DNER: variants seen among roughly 807,000 people sequenced by gnomAD.
DNER encodes the protein delta and Notch-like epidermal growth factor-related receptor.
DNER carries 33 observed loss-of-function variants against 78.2 expected under a neutral mutation model. The ratio of observed to expected loss-of-function variants is 0.42; its 90% CI spans 0.32 to 0.56. DNER has a LOEUF of 0.56. Ranked by LOEUF, DNER falls within the 20% of genes least tolerant of loss-of-function variation. The pLI is 0.11. For missense variants in DNER, 918 were observed against 975.3 expected (o/e 0.94, Z 0.78); for synonymous variants, 417 against 384.8 (o/e 1.08, Z -0.98).
chr2:229,666,126 C>G (rs182076670), intron 1 of DNER, among the ~76,000 whole-genome samples: 5 of 152,306 alleles, frequency 3.3e-5, no homozygotes, highest in African/African-American at 4.8e-5. Context: ...CTGTTTGCCT[C>G]ACTATCCGCT....
At chr2:229,461,661 G>A (rs1036461607) in intron 7 of DNER, among the ~76,000 whole-genome samples, 3 of 152,080 alleles carry the variant, frequency 2.0e-5, no homozygotes, top group Admixed American at 6.6e-5. Context: ...TATAACAGAG[G>A]AATAATATAC....
intron 5 of DNER, among the ~76,000 whole-genome samples, chr2:229,520,568 A>C (rs1341620344): frequency 6.6e-6 from 1 of 152,232 alleles, no homozygotes; most frequent in Non-Finnish European, 1.5e-5. Flanking sequence ...GTGGTCTGCC[A>C]GTTACTCTAT....
intron 7 of DNER, among the ~76,000 whole-genome samples, chr2:229,464,383 T>C (rs1694761369): frequency 6.6e-6 from 1 of 152,100 alleles, no homozygotes; most frequent in South Asian, 2.1e-4. Flanking sequence ...GAACAGAAAG[T>C]CAAAGTTAGA....
At chr2:229,400,196 T>A (rs1693237712) in intron 10 of DNER, among the ~76,000 whole-genome samples, 1 of 152,084 alleles carries the variant, frequency 6.6e-6, no homozygotes, top group Admixed American at 6.5e-5. Context: ...GAACCATTCA[T>A]GCTGTAACAA....
At chr2:229,687,556 A>G (rs970460564) in intron 1 of DNER, among the ~76,000 whole-genome samples, 35 of 152,152 alleles carry the variant, frequency 2.3e-4, no homozygotes, top group African/African-American at 8.4e-4. Context: ...GTGAGCAACC[A>G]CACCTGGCCC....
At chr2:229,477,610 A>C (rs1194562472) in intron 6 of DNER, among the ~76,000 whole-genome samples, 1 of 152,210 alleles carries the variant, frequency 6.6e-6, no homozygotes, top group Non-Finnish European at 1.5e-5. Context: ...TACAGTGTTC[A>C]GCTTGATCTA....
At chr2:229,388,592 A>AATATATAT (rs56042896) in intron 10 of DNER, among the ~76,000 whole-genome samples, 196 bp from the exon 11 acceptor site, 20 of 57,990 alleles carry the variant, frequency 3.4e-4, no homozygotes, top group South Asian at 5.9e-4. Flanking sequence ...CTAAAAAGGA[A>AATATATAT]ATATATATAT....
At chr2:229,705,210 G>C (rs1003753490) in intron 1 of DNER, among the ~76,000 whole-genome samples, 24 of 152,140 alleles carry the variant, frequency 1.6e-4, no homozygotes, top group Non-Finnish European at 3.1e-4. Flanking sequence ...TTCCATAAAG[G>C]AGTTTTAATC....
intron 4 of DNER, among the ~76,000 whole-genome samples, chr2:229,573,146 G>A (rs1697244530): frequency 6.6e-6 from 1 of 152,170 alleles, no homozygotes; most frequent in African/African-American, 2.4e-5. Flanking sequence ...CATTTGTCAT[G>A]TATTTATTTA....
chr2:229,455,461 A>G (rs1694551885), intron 7 of DNER, among the ~76,000 whole-genome samples: 1 of 152,062 alleles, frequency 6.6e-6, no homozygotes, highest in Non-Finnish European at 1.5e-5. Context: ...GTGGTTAGAG[A>G]AAGGAAGCTG....
intron 8 of DNER, among the ~76,000 whole-genome samples, chr2:229,444,407 G>A (rs1410104473): frequency 1.3e-5 from 2 of 152,108 alleles, no homozygotes; most frequent in South Asian, 2.1e-4. Flanking sequence ...GTCAATAAGC[G>A]AGGATGTTAG....
At chr2:229,534,351 T>C (rs923717552) in intron 5 of DNER, among the ~76,000 whole-genome samples, 1 of 151,176 alleles carries the variant, frequency 6.6e-6, no homozygotes, top group African/African-American at 2.4e-5. Flanking sequence ...GACCAATAGA[T>C]TGTAATGGTA....
intron 1 of DNER, among the ~76,000 whole-genome samples, chr2:229,685,100 TATA>T (rs1362852081): frequency 6.6e-6 from 1 of 152,224 alleles, no homozygotes; most frequent in African/African-American, 2.4e-5. Context: ...ACTGTGGTCG[TATA>T]ATAATAACAC....
chr2:229,484,300 T>C lies in DNER; in HGVS notation c.1148-7047A>G, dbSNP rs1164915309. Among the ~76,000 whole-genome samples, 13 of 152,220 alleles carry C rather than the reference T, an allele frequency of 8.5e-5. No homozygotes were observed. In the East Asian group the frequency reaches 2.5e-3, roughly 29 times the overall value. On this transcript the variant is annotated intron_variant, in intron 6 of 12. Coordinates refer to ENST00000341772, the MANE Select transcript of DNER (RefSeq NM_139072.4). ...GAAGTAAAAACATTGTTATCTCAAA[T>C]ATCTGCCATCAAAAATCACCTTGCT...
chr2:229,599,799 G>A (rs1697793236), intron 1 of DNER, among the ~76,000 whole-genome samples: 1 of 152,056 alleles, frequency 6.6e-6, no homozygotes, highest in Non-Finnish European at 1.5e-5. Context: ...AAATAAACAA[G>A]CAATCTACAA....
intron 9 of DNER, among the ~76,000 whole-genome samples, chr2:229,416,285 C>T (rs568148707): frequency 6.6e-6 from 1 of 152,292 alleles, no homozygotes; most frequent in Non-Finnish European, 1.5e-5. Context: ...CACTTCCTTT[C>T]TTGAGTGTTT....
chr2:229,532,114 C>T (rs1696314388), intron 5 of DNER, among the ~76,000 whole-genome samples: 1 of 152,086 alleles, frequency 6.6e-6, no homozygotes, highest in Non-Finnish European at 1.5e-5. Context: ...TACTTAATGC[C>T]ATTGAATAGT....
chr2:229,647,352 T>C (rs1052910585), intron 1 of DNER, among the ~76,000 whole-genome samples: 1 of 152,164 alleles, frequency 6.6e-6, no homozygotes, highest in Non-Finnish European at 1.5e-5. Context: ...TGAAAACTAA[T>C]CAGTTGACAT....
intron 9 of DNER, among the ~76,000 whole-genome samples, chr2:229,412,674 C>T (rs1352518752): frequency 6.6e-6 from 1 of 152,082 alleles, no homozygotes; most frequent in African/African-American, 2.4e-5. Flanking sequence ...GAGAAAGGGG[C>T]CTGGAGACCC....
Sources: gnomAD v4.1 joint callset for allele counts (sites outside exome capture counted in the v4.1 genomes callset) on GRCh38, gnomAD v4.1.1 for gene constraint, MANE v1.5 for transcripts, NCBI Gene and HGNC (gene_info 2026-07-23, HGNC 2026-07-21) for gene names.